MACROD2: variants seen among roughly 807,000 people sequenced by gnomAD.
The protein encoded by MACROD2 is ADP-ribose glycohydrolase MACROD2.
Under a neutral mutation model 70.4 loss-of-function variants are expected in MACROD2, and 36 were observed. The ratio of observed to expected loss-of-function variants is 0.51; its 90% CI spans 0.39 to 0.68. MACROD2 has a LOEUF of 0.68. Among genes scored for constraint, MACROD2 ranks in the 30% least tolerant of loss-of-function variants. The pLI is 0.00. For missense variants in MACROD2, 496 were observed against 538.4 expected, an observed-to-expected ratio of 0.92 and a Z score of 0.78; for synonymous variants, 172 against 178.8, an observed-to-expected ratio of 0.96 and a Z score of 0.30.
chr20:14,730,160 A>G (rs932173514), intron 5 of MACROD2, among the ~76,000 whole-genome samples: 3 of 152,176 alleles, frequency 2.0e-5, no homozygotes, highest in African/African-American at 7.2e-5. Context: ...GACCTAGCAC[A>G]CATTCAAATG....
intron 5 of MACROD2, among the ~76,000 whole-genome samples, chr20:15,209,647 A>G (rs535223516): frequency 6.6e-6 from 1 of 152,340 alleles, no homozygotes; most frequent in Non-Finnish European, 1.5e-5. Flanking sequence ...TAGTGGATGC[A>G]GAAACCTTCC....
intron 5 of MACROD2, among the ~76,000 whole-genome samples, chr20:15,062,752 C>G (rs1307001102): frequency 6.6e-6 from 1 of 152,164 alleles, no homozygotes; most frequent in Non-Finnish European, 1.5e-5. Flanking sequence ...CTTGACCTCA[C>G]AGAGCTTTGA....
chr20:15,253,818 ATTAC>A (rs1179543840), intron 6 of MACROD2, among the ~76,000 whole-genome samples: 4 of 152,218 alleles, frequency 2.6e-5, no homozygotes, highest in Non-Finnish European at 5.9e-5. Flanking sequence ...GAATTGGAAT[ATTAC>A]TTCAAATTCT....
At position 14,481,241 on chromosome 20, in the gene MACROD2, A is replaced by C. The variant is rs575516838; in HGVS notation, c.272-12238A>C. Reference sequence around the variant, plus strand: ...CTAAATTTAGCTCAAGTCTTTCAGCATTGATAATTAAGAAATATATGCCCT... The same window carrying C: ...CTAAATTTAGCTCAAGTCTTTCAGCCTTGATAATTAAGAAATATATGCCCT... On this transcript the variant is annotated intron_variant, in intron 3 of 17. Coordinates refer to ENST00000684519, the MANE Select transcript of MACROD2 (RefSeq NM_001351661.2). Among the ~76,000 whole-genome samples the C allele has an allele frequency of 2.6e-5, 4 of 152,276 alleles. No homozygotes were observed. In the South Asian group the frequency reaches 8.3e-4, roughly 32 times the overall value.
intron 6 of MACROD2, among the ~76,000 whole-genome samples, chr20:15,353,419 A>T (rs954067058): frequency 2.0e-5 from 3 of 152,264 alleles, no homozygotes; most frequent in South Asian, 2.1e-4. Context: ...AACCTAGGCA[A>T]TACCATTCAG....
intron 6 of MACROD2, among the ~76,000 whole-genome samples, chr20:15,272,675 C>T (rs2077356255): frequency 6.6e-6 from 1 of 152,210 alleles, no homozygotes; most frequent in South Asian, 2.1e-4. Context: ...AATTCATGGT[C>T]TTGAAGGCAT....
At chr20:14,219,408 T>C (rs1277671057) in intron 3 of MACROD2, among the ~76,000 whole-genome samples, 1 of 152,170 alleles carries the variant, frequency 6.6e-6, no homozygotes, top group Non-Finnish European at 1.5e-5. Context: ...AAGCTATCTA[T>C]TTCCTTGAAT....
At chr20:14,830,131 G>A (rs1448677738) in intron 5 of MACROD2, among the ~76,000 whole-genome samples, 1 of 152,096 alleles carries the variant, frequency 6.6e-6, no homozygotes, top group African/African-American at 2.4e-5. Context: ...CCTCTTTGCT[G>A]TGTAAAATGT....
chr20:14,008,581 C>A (rs571841901), intron 2 of MACROD2, among the ~76,000 whole-genome samples: 1 of 152,256 alleles, frequency 6.6e-6, no homozygotes, highest in Non-Finnish European at 1.5e-5. Flanking sequence ...TCCTATTAAA[C>A]TACTATCAAC....
At chr20:15,853,065 A>G (rs1401131508) in intron 8 of MACROD2, among the ~76,000 whole-genome samples, 1 of 152,156 alleles carries the variant, frequency 6.6e-6, no homozygotes, top group East Asian at 1.9e-4. Context: ...AACAGATAAA[A>G]AAGGTGCCCC....
At chr20:15,031,463 G>A (rs1177399303) in intron 5 of MACROD2, among the ~76,000 whole-genome samples, 2 of 152,192 alleles carry the variant, frequency 1.3e-5, no homozygotes, top group African/African-American at 2.4e-5. Context: ...GAGCAAAATG[G>A]AGAGGCTCTT....
chr20:15,132,640 CA>C (rs2076115119), intron 5 of MACROD2, among the ~76,000 whole-genome samples: 1 of 151,744 alleles, frequency 6.6e-6, no homozygotes, highest in African/African-American at 2.4e-5. Flanking sequence ...AAAAAACTTT[CA>C]AATAATTCTT....
chr20:14,418,588 AC>A (rs1421533278), intron 3 of MACROD2, among the ~76,000 whole-genome samples: 1 of 152,222 alleles, frequency 6.6e-6, no homozygotes, highest in Non-Finnish European at 1.5e-5. Flanking sequence ...TGCCAGGCAA[AC>A]CTTTGTTAGG....
At chr20:14,514,461 AG>A (rs1419466732) in intron 4 of MACROD2, among the ~76,000 whole-genome samples, 5 of 152,252 alleles carry the variant, frequency 3.3e-5, no homozygotes, top group Admixed American at 1.3e-4. Flanking sequence ...ATGTCATCCT[AG>A]CCACAAGATC....
chr20:14,133,000 A>G (rs888208740), intron 3 of MACROD2, among the ~76,000 whole-genome samples: 6 of 150,978 alleles, frequency 4.0e-5, no homozygotes, highest in East Asian at 1.9e-4. Flanking sequence ...AACATAACAT[A>G]TGTGTGTGTG....
chr20:14,724,216 G>T (rs1026998607), intron 5 of MACROD2, among the ~76,000 whole-genome samples: 3 of 151,916 alleles, frequency 2.0e-5, no homozygotes, highest in African/African-American at 7.2e-5. Flanking sequence ...GAGGAAGTTT[G>T]GTGTTGTGGT....
intron 5 of MACROD2, among the ~76,000 whole-genome samples, chr20:15,129,649 C>A (rs2076090982): frequency 6.6e-6 from 1 of 152,040 alleles, no homozygotes; most frequent in Admixed American, 6.6e-5. Flanking sequence ...CAGAATAAAT[C>A]CCTAAAGCAA....
intron 5 of MACROD2, among the ~76,000 whole-genome samples, chr20:15,070,040 G>A (rs970076394): frequency 1.3e-5 from 2 of 152,148 alleles, no homozygotes; most frequent in Non-Finnish European, 2.9e-5. Flanking sequence ...AGAGCACAGA[G>A]GCTGCACCCT....
intron 3 of MACROD2, among the ~76,000 whole-genome samples, chr20:14,363,774 G>T (rs1001625825): frequency 1.0e-4 from 13 of 130,286 alleles, no homozygotes; most frequent in African/African-American, 3.6e-4. Context: ...CAGACATCGC[G>T]CCACTGCACT....
Sources: gnomAD v4.1 joint callset for allele counts (sites outside exome capture counted in the v4.1 genomes callset) on GRCh38, gnomAD v4.1.1 for gene constraint, MANE v1.5 for transcripts, NCBI Gene and HGNC (gene_info 2026-07-23, HGNC 2026-07-21) for gene names.